ACSS3: variants seen among roughly 807,000 people sequenced by gnomAD.
ACSS3 encodes acyl-CoA synthetase short-chain family member 3, mitochondrial.
Under a neutral mutation model 84.2 loss-of-function variants are expected in ACSS3, and 64 were observed. The observed-to-expected ratio is 0.76, with a 90% CI of 0.62 to 0.94. The LOEUF (loss-of-function observed/expected upper bound fraction) is 0.94, where lower values mean the gene tolerates loss of function less well. Ranked by LOEUF, ACSS3 falls within the 40% of genes least tolerant of loss-of-function variation. The pLI is 0.00. For synonymous variants in ACSS3, 317 were observed against 310.1 expected (o/e 1.02, Z -0.23); for missense variants, 815 against 867.6 (o/e 0.94, Z 0.76).
intron 1 of ACSS3, among the ~76,000 whole-genome samples, chr12:81,097,383 G>A (rs576730127): frequency 4.4e-4 from 67 of 152,222 alleles, no homozygotes; most frequent in Middle Eastern, 6.8e-3. Flanking sequence ...ACACATAGTG[G>A]ACCAGTTTGA....
intron 8 of ACSS3, among the ~76,000 whole-genome samples, chr12:81,175,585 A>G (rs1346146756): frequency 1.3e-5 from 2 of 152,120 alleles, no homozygotes; most frequent in African/African-American, 4.8e-5. Context: ...TATGAGAAAT[A>G]CTCTAAAATC....
chr12:81,213,950 C>CTT (rs1565724203), intron 9 of ACSS3, among the ~76,000 whole-genome samples: 3 of 15,830 alleles, frequency 1.9e-4, no homozygotes, highest in African/African-American at 4.2e-4. Flanking sequence ...TCTCTCTCTC[C>CTT]CTCTCTCTCT....
intron 8 of ACSS3, among the ~76,000 whole-genome samples, chr12:81,197,193 T>C (rs1466398176): frequency 6.6e-6 from 1 of 152,180 alleles, no homozygotes; most frequent in Non-Finnish European, 1.5e-5. Flanking sequence ...CATGAATAAT[T>C]CTAGGTGATT....
chr12:81,172,011 A>T (rs969460391), intron 7 of ACSS3, among the ~76,000 whole-genome samples: 3 of 152,200 alleles, frequency 2.0e-5, no homozygotes, highest in African/African-American at 7.2e-5. Context: ...CACGCCTGTA[A>T]TCCCAGCACT....
chr12:81,080,433 A>G (rs925534513), intron 1 of ACSS3, among the ~76,000 whole-genome samples: 3 of 151,974 alleles, frequency 2.0e-5, no homozygotes, highest in African/African-American at 7.3e-5. Context: ...TTTATAGATC[A>G]CAATTTGATA....
chr12:81,241,466 T>C (rs943795425), intron 13 of ACSS3, among the ~76,000 whole-genome samples: 4 of 152,142 alleles, frequency 2.6e-5, no homozygotes, highest in African/African-American at 9.7e-5. Flanking sequence ...TGTAAAAGTG[T>C]TCCTATTTCT....
intron 13 of ACSS3, among the ~76,000 whole-genome samples, chr12:81,252,634 G>C (rs1174952990): frequency 6.6e-6 from 1 of 152,052 alleles, no homozygotes; most frequent in Non-Finnish European, 1.5e-5. Context: ...CTAAGCGTCT[G>C]TATTTTATGT....
At position 81,123,428 on chromosome 12, in the gene ACSS3, C is replaced by G. The variant is rs183389511; in HGVS notation, c.457-11388C>G. 2.0e-5 allele frequency among the ~76,000 whole-genome samples: 3 copies of G among 152,270 alleles called. No individual in the cohort carries two copies. The East Asian group carries it at 5.8e-4, about 29-fold the overall frequency. On this transcript the variant is annotated intron_variant, in intron 2 of 15. Transcript: ENST00000548058. ...ATTCTTATACAGTGCAATAAAACTACATTTTTAGATAGCATGCATTTTTAG... is the reference window on the plus strand; with the variant it reads ...ATTCTTATACAGTGCAATAAAACTAGATTTTTAGATAGCATGCATTTTTAG...
chr12:81,224,434 G>C (rs1372891013), intron 11 of ACSS3, among the ~76,000 whole-genome samples: 1 of 151,860 alleles, frequency 6.6e-6, no homozygotes, highest in East Asian at 1.9e-4. Context: ...AAAATCTGCT[G>C]TAGCTCATAT....
chr12:81,198,318 G>A (rs2031933697), intron 8 of ACSS3, among the ~76,000 whole-genome samples: 1 of 152,096 alleles, frequency 6.6e-6, no homozygotes, highest in South Asian at 2.1e-4. Flanking sequence ...AAAAACAAAA[G>A]AAGTCTAGAA....
chr12:81,188,895 C>G (rs1263701505), intron 8 of ACSS3, among the ~76,000 whole-genome samples: 4 of 152,134 alleles, frequency 2.6e-5, no homozygotes, highest in Middle Eastern at 3.2e-3. Flanking sequence ...TTAACACATA[C>G]ATTACCTCAC....
At chr12:81,093,023 T>G (rs1047096808) in intron 1 of ACSS3, among the ~76,000 whole-genome samples, 3 of 148,052 alleles carry the variant, frequency 2.0e-5, no homozygotes, top group Non-Finnish European at 3.0e-5. Context: ...GGTTTTTTTT[T>G]GGGTGCAAGG....
At chr12:81,223,890 G>C (rs1170097379) in intron 11 of ACSS3, among the ~76,000 whole-genome samples, 1 of 152,038 alleles carries the variant, frequency 6.6e-6, no homozygotes, top group African/African-American at 2.4e-5. Flanking sequence ...GAGGCATCTA[G>C]GAGTGTAATA....
intron 9 of ACSS3, among the ~76,000 whole-genome samples, chr12:81,214,607 G>A (rs563125635): frequency 3.3e-5 from 5 of 152,258 alleles, no homozygotes; most frequent in African/African-American, 7.2e-5. Flanking sequence ...CAGGAGGTTC[G>A]TATATCAGCT....
At chr12:81,244,605 G>C (rs969051154) in intron 13 of ACSS3, among the ~76,000 whole-genome samples, 1 of 151,874 alleles carries the variant, frequency 6.6e-6, no homozygotes, top group African/African-American at 2.4e-5. Flanking sequence ...GGTTTCTATT[G>C]ATACATCCTC....
intron 11 of ACSS3, among the ~76,000 whole-genome samples, chr12:81,220,492 T>C (rs902561683): frequency 2.0e-5 from 3 of 152,154 alleles, no homozygotes; most frequent in Non-Finnish European, 4.4e-5. Flanking sequence ...GTTCGTTTCA[T>C]GGGTATATTG....
At chr12:81,243,894 A>AT (rs997562630) in intron 13 of ACSS3, among the ~76,000 whole-genome samples, 3 of 152,214 alleles carry the variant, frequency 2.0e-5, no homozygotes, top group East Asian at 3.9e-4. Flanking sequence ...AAGAAAAATA[A>AT]TTTTTTTATT....
Position 81,258,134 on chromosome 12 carries a change from T to C in ACSS3, c.*3212T>C, listed in dbSNP as rs1470392117. 1.3e-5 allele frequency: 2 copies of C among 152,120 alleles called. No individual in the cohort carries two copies. The highest frequency in any genetic ancestry group is 4.1e-4 in the South Asian group (2 of 4,828). 9.4% of individuals were successfully genotyped at this position (152,120 alleles called of 1,614,324 possible). A position where few individuals can be genotyped will look rare whatever the true frequency, so the allele number is the denominator to read the frequency against. On this transcript the variant is annotated 3_prime_UTR_variant, in exon 16 of 16. Coordinates refer to ENST00000548058, the MANE Select transcript of ACSS3 (RefSeq NM_024560.4). ...TTTTAAGATCACTCCCATAAGCAAG[T>C]TTAGATCTCCCTCTTGTGGCAGACT...
Position 81,143,014 on chromosome 12 carries a change from C to A in ACSS3, c.781-93C>A. 3.3e-6 allele frequency: 4 copies of A among 1,209,690 alleles called. No individual in the cohort carries two copies. The South Asian group carries it at 8.3e-5, about 25-fold the overall frequency. 74.9% of individuals were successfully genotyped at this position (1,209,690 alleles called of 1,614,324 possible). A position where few individuals can be genotyped will look rare whatever the true frequency, so the allele number is the denominator to read the frequency against. The stretch of plus-strand genomic sequence containing the variant: ...TGCCATATAGGCCTAGATTTTCAGT[C>A]AGATGCTCAGACTTAAATAGATTTA... On this transcript the variant is annotated intron_variant, in intron 4 of 15. Transcript: ENST00000548058.
Sources: gnomAD v4.1 joint callset for allele counts (sites outside exome capture counted in the v4.1 genomes callset) on GRCh38, gnomAD v4.1.1 for gene constraint, MANE v1.5 for transcripts, NCBI Gene and HGNC (gene_info 2026-07-23, HGNC 2026-07-21) for gene names.